EPB41L5: variants seen among roughly 807,000 people sequenced by gnomAD.
The protein encoded by EPB41L5 is band 4.1-like protein 5.
In EPB41L5, 55 loss-of-function variants were observed where a neutral mutation model predicts 106.6. The ratio of observed to expected loss-of-function variants is 0.52; its 90% confidence interval spans 0.42 to 0.65. The LOEUF is 0.65. Ranked by LOEUF, EPB41L5 falls within the 30% of genes least tolerant of loss-of-function variation. The pLI is 0.00. For missense variants in EPB41L5, 871 were observed against 882.1 expected (o/e 0.99, Z 0.16); for synonymous variants, 297 against 306.7 (o/e 0.97, Z 0.33).
At chr2:120,056,007 A>C (rs888887432) in intron 3 of EPB41L5, among the ~76,000 whole-genome samples, 1 of 152,214 alleles carries the variant, frequency 6.6e-6, no homozygotes, top group East Asian at 1.9e-4. Context: ...GACACCCTTG[A>C]CATATTCCTG....
At chr2:120,038,660 A>G (rs1004819592) in intron 2 of EPB41L5, among the ~76,000 whole-genome samples, 1 of 152,208 alleles carries the variant, frequency 6.6e-6, no homozygotes, top group Non-Finnish European at 1.5e-5. Flanking sequence ...AGGCTGAGGC[A>G]TGAGAATCGC....
At chr2:120,091,794 C>T (rs978593855) in intron 13 of EPB41L5, 133 bp downstream of exon 13, 1 of 659,492 alleles carries the variant, frequency 1.5e-6, no homozygotes, top group Non-Finnish European at 2.6e-6. Flanking sequence ...ACTTTTCTGG[C>T]AGAATCAATT....
chr2:120,096,619 A>G (rs979894978), intron 14 of EPB41L5, among the ~76,000 whole-genome samples: 1 of 152,020 alleles, frequency 6.6e-6, no homozygotes, highest in Non-Finnish European at 1.5e-5. Flanking sequence ...GCAAGACCCC[A>G]TCTCTACTAA....
At chr2:120,146,517 A>T (rs1263588704) in intron 20 of EPB41L5, among the ~76,000 whole-genome samples, 1 of 152,236 alleles carries the variant, frequency 6.6e-6, no homozygotes, top group Non-Finnish European at 1.5e-5. Context: ...TCGAACCAAC[A>T]GAGCAGAAAC....
intron 3 of EPB41L5, among the ~76,000 whole-genome samples, chr2:120,050,070 G>C: frequency 6.6e-6 from 1 of 152,184 alleles, no homozygotes; most frequent in Non-Finnish European, 1.5e-5. Flanking sequence ...TGGGTAACCT[G>C]ACCTTTCTCT....
intron 16 of EPB41L5, among the ~76,000 whole-genome samples, chr2:120,107,558 G>A (rs1017516375): frequency 6.6e-6 from 1 of 151,866 alleles, no homozygotes; most frequent in Admixed American, 6.6e-5. Context: ...ATAATTCTGC[G>A]GTGGGGAAAC....
chr2:120,093,089 CT>C (rs1444243929), intron 13 of EPB41L5, among the ~76,000 whole-genome samples, 159 bp from the exon 14 acceptor site: 1 of 152,104 alleles, frequency 6.6e-6, no homozygotes, highest in African/African-American at 2.4e-5. Context: ...AGACCCACCC[CT>C]ATCTCTACAA....
intron 16 of EPB41L5, among the ~76,000 whole-genome samples, chr2:120,113,979 A>T (rs1441201429): frequency 6.6e-6 from 1 of 152,210 alleles, no homozygotes; most frequent in Non-Finnish European, 1.5e-5. Flanking sequence ...TTGTATGAAC[A>T]TGTGTTCTCA....
At chr2:120,021,532 T>C (rs1462595071) in intron 2 of EPB41L5, among the ~76,000 whole-genome samples, 2 of 151,882 alleles carry the variant, frequency 1.3e-5, no homozygotes, top group Non-Finnish European at 2.9e-5. Flanking sequence ...TCCCAGCTAC[T>C]TGGGAGGCTG....
chr2:120,096,268 A>G (rs559862457), intron 14 of EPB41L5, among the ~76,000 whole-genome samples: 14 of 151,862 alleles, frequency 9.2e-5, no homozygotes, highest in African/African-American at 2.7e-4. Flanking sequence ...GTGATTAGTG[A>G]TTGACTATAA....
chr2:120,131,756 A>G (rs1558896831), intron 18 of EPB41L5, 41 bp downstream of exon 18: 1 of 1,360,672 alleles, frequency 7.3e-7, no homozygotes, highest in Non-Finnish European at 1.0e-6. Context: ...ACACATCTCC[A>G]GAGCTCCCAG....
chr2:120,171,383 C>T (rs574099283), intron 24 of EPB41L5, among the ~76,000 whole-genome samples: 2 of 152,312 alleles, frequency 1.3e-5, no homozygotes, highest in African/African-American at 4.8e-5. Context: ...TATTTATGCC[C>T]ATTTCACTCA....
At chr2:120,090,618 G>C in intron 12 of EPB41L5, 102 bp downstream of exon 12, 1 of 1,012,286 alleles carries the variant, frequency 9.9e-7, no homozygotes, top group Non-Finnish European at 1.4e-6. Context: ...AGGTATAGAG[G>C]AATAAGGTGG....
At chr2:120,090,080 T>C (rs1234890448) in intron 11 of EPB41L5, among the ~76,000 whole-genome samples, 1 of 151,942 alleles carries the variant, frequency 6.6e-6, no homozygotes, top group Non-Finnish European at 1.5e-5. Flanking sequence ...TCCCAAATAA[T>C]GGCAGATAAA....
chr2:120,138,431 A>T (rs1350188377), intron 18 of EPB41L5, among the ~76,000 whole-genome samples: 1 of 152,010 alleles, frequency 6.6e-6, no homozygotes, highest in Admixed American at 6.6e-5. Flanking sequence ...ACTATTTTAT[A>T]TTTGGAAAAA....
intron 3 of EPB41L5, among the ~76,000 whole-genome samples, chr2:120,067,529 G>T (rs1351065099): frequency 6.6e-6 from 1 of 152,202 alleles, no homozygotes; most frequent in Non-Finnish European, 1.5e-5. Flanking sequence ...ATAATGAGAA[G>T]TGAGCTGGGA....
intron 14 of EPB41L5, among the ~76,000 whole-genome samples, chr2:120,097,258 A>G (rs1445519299): frequency 1.3e-5 from 2 of 152,180 alleles, no homozygotes; most frequent in East Asian, 1.9e-4. Flanking sequence ...CCTGAAGGTT[A>G]TTGAGCACCA....
At chr2:120,119,295 GT>G (rs201770980) in intron 16 of EPB41L5, among the ~76,000 whole-genome samples, 18 of 151,256 alleles carry the variant, frequency 1.2e-4, no homozygotes, top group South Asian at 4.2e-4. Flanking sequence ...TCTGCTGACA[GT>G]TTTTTTTTGT....
chr2:120,114,307 T>C (rs917544003), intron 16 of EPB41L5, among the ~76,000 whole-genome samples: 4 of 152,228 alleles, frequency 2.6e-5, no homozygotes, highest in East Asian at 1.9e-4. Flanking sequence ...CAACTTATGA[T>C]GGTGTGAAAC....
Sources: gnomAD v4.1 joint callset for allele counts (sites outside exome capture counted in the v4.1 genomes callset) on GRCh38, gnomAD v4.1.1 for gene constraint, MANE v1.5 for transcripts, NCBI Gene and HGNC (gene_info 2026-07-23, HGNC 2026-07-21) for gene names.